SLC25A48: variants seen among roughly 807,000 people sequenced by gnomAD.
The protein encoded by SLC25A48 is CTC-321K16.1.
In SLC25A48, 29 loss-of-function variants were observed where a neutral mutation model predicts 32.2. The ratio of observed to expected loss-of-function variants is 0.90; its 90% CI spans 0.67 to 1.23. SLC25A48 has a LOEUF of 1.23. SLC25A48 is among the 50% of genes most tolerant of loss of function. The pLI is 0.00. For synonymous variants in SLC25A48, 164 were observed against 172.3 expected, an observed-to-expected ratio of 0.95 and a Z score of 0.38; for missense variants, 399 against 422.7, an observed-to-expected ratio of 0.94 and a Z score of 0.49.
intron 3 of SLC25A48, among the ~76,000 whole-genome samples, chr5:135,711,170 A>AAT (rs1754653891): frequency 6.6e-6 from 1 of 152,232 alleles, no homozygotes; most frequent in Non-Finnish European, 1.5e-5. Flanking sequence ...GTGAGAGAGA[A>AAT]ATAAACCTCT....
At chr5:135,581,957 A>G (rs1006153959) in intron 1 of SLC25A48, among the ~76,000 whole-genome samples, 2 of 152,216 alleles carry the variant, frequency 1.3e-5, no homozygotes, top group South Asian at 2.1e-4. Flanking sequence ...GCAGGTGGGC[A>G]TGTGTGAGGC....
chr5:135,854,958 G>A (rs1760182819), intron 4 of SLC25A48, among the ~76,000 whole-genome samples: 1 of 152,194 alleles, frequency 6.6e-6, no homozygotes, highest in African/African-American at 2.4e-5. Context: ...CTAATTTCAA[G>A]TTGTTGTGTC....
Position 135,804,009 on chromosome 5 carries a change from T to C in SLC25A48, c.-520-8514T>C, listed in dbSNP as rs563726452. On this transcript the variant is annotated intron_variant, in intron 3 of 10. Coordinates refer to the SLC25A48 transcript ENST00000646290. ...GAAGATGTCACAGGATGTCTACACA[T>C]GCTGTACATTTTCTGTGATATTAGG... Among the ~76,000 whole-genome samples, 18 of 151,672 alleles carry C rather than the reference T, an allele frequency of 1.2e-4. No individual in the cohort carries two copies. The East Asian group carries it at 2.9e-3, about 25-fold the overall frequency.
chr5:135,628,629 A>G (rs911989270), intron 1 of SLC25A48, among the ~76,000 whole-genome samples: 1 of 152,166 alleles, frequency 6.6e-6, no homozygotes, highest in Non-Finnish European at 1.5e-5. Flanking sequence ...ACATCAGTCA[A>G]TGGATGGCAG....
chr5:135,789,838 AAC>A (rs1244444288), intron 3 of SLC25A48, among the ~76,000 whole-genome samples: 1 of 151,990 alleles, frequency 6.6e-6, no homozygotes, highest in Non-Finnish European at 1.5e-5. Context: ...AATAAGCTAT[AAC>A]AGTTTCCTAG....
chr5:135,717,909 A>G (rs1217681683), intron 3 of SLC25A48, among the ~76,000 whole-genome samples: 1 of 152,156 alleles, frequency 6.6e-6, no homozygotes, highest in Non-Finnish European at 1.5e-5. Flanking sequence ...ACGTCAGGTA[A>G]ACGGCGTCTC....
intron 7 of SLC25A48, among the ~76,000 whole-genome samples, chr5:135,887,490 A>G (rs1041726394): frequency 2.0e-5 from 3 of 151,520 alleles, no homozygotes; most frequent in African/African-American, 7.3e-5. Context: ...ACACACACAC[A>G]TATATATGTG....
At chr5:135,589,548 G>C (rs191639080) in intron 1 of SLC25A48, among the ~76,000 whole-genome samples, 2 of 152,160 alleles carry the variant, frequency 1.3e-5, no homozygotes, top group South Asian at 2.1e-4. Context: ...TAACATTTAC[G>C]GGCCTCTGTG....
chr5:135,709,713 T>G (rs189550371), intron 3 of SLC25A48, among the ~76,000 whole-genome samples: 1 of 152,306 alleles, frequency 6.6e-6, no homozygotes, highest in East Asian at 1.9e-4. Context: ...GAACTCTAGT[T>G]TTCTCCTTTT....
chr5:135,793,254 A>C (rs1347034747), intron 3 of SLC25A48, among the ~76,000 whole-genome samples: 1 of 151,362 alleles, frequency 6.6e-6, no homozygotes, highest in Non-Finnish European at 1.5e-5. Flanking sequence ...TACTTTCCTA[A>C]TACCACAGTG....
At chr5:135,721,102 C>T (rs1029872686) in intron 3 of SLC25A48, among the ~76,000 whole-genome samples, 1 of 150,340 alleles carries the variant, frequency 6.7e-6, no homozygotes, top group Non-Finnish European at 1.5e-5. Flanking sequence ...AGTGTAGTGG[C>T]CTGATTTCAG....
At chr5:135,726,117 C>T (rs560221736) in intron 3 of SLC25A48, among the ~76,000 whole-genome samples, 2 of 152,280 alleles carry the variant, frequency 1.3e-5, no homozygotes, top group East Asian at 1.9e-4. Flanking sequence ...AGAGTCTGGC[C>T]CTACCAGGCC....
intron 6 of SLC25A48, 150 bp from the exon 7 acceptor site, chr5:135,879,818 C>T (rs1762329323): frequency 1.8e-6 from 2 of 1,138,244 alleles, no homozygotes; most frequent in African/African-American, 1.6e-5. Flanking sequence ...TGGGACTTCC[C>T]TGTGTGGTCT....
chr5:135,886,621 AT>A (rs1561567668), intron 7 of SLC25A48, among the ~76,000 whole-genome samples: 580 of 22,812 alleles, frequency 0.025, 44 homozygotes, highest in African/African-American at 0.098. Flanking sequence ...ATATATATAT[AT>A]ATATATATAT....
intron 2 of SLC25A48, among the ~76,000 whole-genome samples, chr5:135,630,787 A>T (rs1752543286): frequency 6.6e-6 from 1 of 151,830 alleles, no homozygotes; most frequent in Admixed American, 6.6e-5. Context: ...TTATTAGCAG[A>T]GATGGGGTTT....
chr5:135,612,153 A>G (rs538320133), intron 1 of SLC25A48, among the ~76,000 whole-genome samples: 2 of 152,388 alleles, frequency 1.3e-5, no homozygotes, highest in South Asian at 4.1e-4. Flanking sequence ...AATAAGTTGG[A>G]CAAATTTTAA....
At chr5:135,793,495 G>A (rs1214781665) in intron 3 of SLC25A48, among the ~76,000 whole-genome samples, 1 of 151,802 alleles carries the variant, frequency 6.6e-6, no homozygotes, top group African/African-American at 2.4e-5. Context: ...TAATATCGCA[G>A]TAGGTGTTCA....
Position 135,814,340 on chromosome 5 carries a change from C to T in SLC25A48, c.-117+1414C>T, listed in dbSNP as rs147664200. Among the ~76,000 whole-genome samples, 13 of 152,322 alleles carry T rather than the reference C, an allele frequency of 8.5e-5. No individual in the cohort carries two copies. In the East Asian group the frequency reaches 2.5e-3, roughly 29 times the overall value. On this transcript the variant is annotated intron_variant, in intron 4 of 10. Coordinates refer to the SLC25A48 transcript ENST00000646290. ...CCTCTTGCAGACAGCCTACTCTGAT[C>T]ACTCCAGCCTTTGCTAACCTCTGCT...
chr5:135,628,379 A>T (rs1752485988), intron 1 of SLC25A48, among the ~76,000 whole-genome samples: 1 of 152,174 alleles, frequency 6.6e-6, no homozygotes, highest in Non-Finnish European at 1.5e-5. Context: ...AATATCTTGA[A>T]GGTCCCTTTC....
Sources: allele counts gnomAD v4.1 joint callset (sites outside exome capture counted in the v4.1 genomes callset), GRCh38; gene constraint gnomAD v4.1.1; transcripts MANE v1.5; gene names NCBI Gene and HGNC (gene_info 2026-07-23, HGNC 2026-07-21).